The following KCND2 variants were observed in gnomAD, a reference collection of about 807,000 sequenced individuals.
KCND2 encodes potassium voltage-gated channel subfamily D member 2.
Under a neutral mutation model 54.4 loss-of-function variants are expected in KCND2, and 16 were observed. The ratio of observed to expected loss-of-function variants is 0.29; its 90% CI spans 0.20 to 0.45. The LOEUF (loss-of-function observed/expected upper bound fraction) is 0.45, where lower values mean the gene tolerates loss of function less well. Ranked by LOEUF, KCND2 falls within the 20% of genes least tolerant of loss-of-function variation. The probability of loss-of-function intolerance (pLI) is 1.00; values close to 1 mark genes in which losing one functional copy is unlikely to be tolerated. For synonymous variants in KCND2, 317 were observed against 310.7 expected, an observed-to-expected ratio of 1.02 and a Z score of -0.21; for missense variants, 486 against 824.2, an observed-to-expected ratio of 0.59 and a Z score of 5.02.
intron 1 of KCND2, among the ~76,000 whole-genome samples, chr7:120,439,359 C>A (rs1234848860): frequency 1.3e-5 from 2 of 151,910 alleles, no homozygotes; most frequent in Non-Finnish European, 2.9e-5. Context: ...CACAGAAGCA[C>A]TTTTTCTTTT....
At chr7:120,418,010 A>G (rs754074844) in intron 1 of KCND2, among the ~76,000 whole-genome samples, 1 of 152,232 alleles carries the variant, frequency 6.6e-6, no homozygotes, top group Non-Finnish European at 1.5e-5. Context: ...TAAAAGCCCG[A>G]TTCAAGAAAC....
chr7:120,701,770 G>A (rs1792405651), intron 1 of KCND2, among the ~76,000 whole-genome samples: 2 of 151,914 alleles, frequency 1.3e-5, no homozygotes, highest in South Asian at 4.2e-4. Flanking sequence ...GAAACTGGGG[G>A]GTGGGACCCC....
intron 1 of KCND2, among the ~76,000 whole-genome samples, chr7:120,283,456 A>G (rs557198169): frequency 1.3e-5 from 2 of 152,178 alleles, no homozygotes; most frequent in East Asian, 3.9e-4. Context: ...ACCATGAATA[A>G]ATTTTCATCC....
chr7:120,634,835 G>T (rs1358784192), intron 1 of KCND2, among the ~76,000 whole-genome samples: 1 of 152,150 alleles, frequency 6.6e-6, no homozygotes, highest in African/African-American at 2.4e-5. Context: ...CAGGGTAGGG[G>T]TCTTCCCCTC....
intron 1 of KCND2, among the ~76,000 whole-genome samples, chr7:120,397,281 A>G (rs549484242): frequency 1.3e-5 from 2 of 152,020 alleles, no homozygotes; most frequent in Non-Finnish European, 2.9e-5. Flanking sequence ...AGCAAAATAT[A>G]CCCAAGAATA....
chr7:120,596,514 A>C (rs1792747276), intron 1 of KCND2, among the ~76,000 whole-genome samples: 2 of 152,350 alleles, frequency 1.3e-5, no homozygotes, highest in Admixed American at 1.3e-4. Flanking sequence ...AAGGGGACAT[A>C]GAAAGGTTCT....
At chr7:120,462,194 A>C (rs575704157) in intron 1 of KCND2, among the ~76,000 whole-genome samples, 81 of 150,832 alleles carry the variant, frequency 5.4e-4, no homozygotes, top group African/African-American at 1.9e-3. Flanking sequence ...ATCCTTCCCC[A>C]AAAATTGGAT....
intron 1 of KCND2, among the ~76,000 whole-genome samples, chr7:120,444,042 T>C (rs1177817951): frequency 6.6e-6 from 1 of 152,040 alleles, no homozygotes; most frequent in Non-Finnish European, 1.5e-5. Context: ...CTCCCTCACA[T>C]CTTCATACCC....
At chr7:120,547,415 C>T (rs1792054656) in intron 1 of KCND2, among the ~76,000 whole-genome samples, 1 of 151,912 alleles carries the variant, frequency 6.6e-6, no homozygotes, top group Non-Finnish European at 1.5e-5. Context: ...GTCCCTGAGC[C>T]TCCATTTACT....
Position 120,413,110 on chromosome 7 carries a change from T to A in KCND2, c.1115+137363T>A, listed in dbSNP as rs369539376. On this transcript the variant is annotated intron_variant, in intron 1 of 5. Coordinates refer to ENST00000331113, the MANE Select transcript of KCND2 (RefSeq NM_012281.3). ...AGCACCACCTTCCCAATACTGTAAT[T>A]ATGAAGAATGTTTATTTAAGAAGTA... Among the ~76,000 whole-genome samples, 6 of 152,182 alleles carry A rather than the reference T, an allele frequency of 3.9e-5. No homozygotes were observed. In the East Asian group the frequency reaches 1.2e-3, roughly 29 times the overall value.
chr7:120,291,181 A>G (rs897586469), intron 1 of KCND2, among the ~76,000 whole-genome samples: 2 of 152,010 alleles, frequency 1.3e-5, no homozygotes, highest in African/African-American at 4.8e-5. Context: ...TGTAAATGAA[A>G]TAAAAATGAA....
chr7:120,607,856 A>G (rs1792901873), intron 1 of KCND2, among the ~76,000 whole-genome samples: 2 of 152,116 alleles, frequency 1.3e-5, no homozygotes, highest in African/African-American at 4.8e-5. Flanking sequence ...AACAGAAAGA[A>G]AAACAACATG....
chr7:120,737,058 ACACACACACACACAC>A (rs1562924261), intron 2 of KCND2, among the ~76,000 whole-genome samples: 3 of 144,948 alleles, frequency 2.1e-5, no homozygotes, highest in African/African-American at 7.7e-5. Context: ...ACACACACAC[ACACACACACACACAC>A]ACAAACAAAA....
chr7:120,626,033 A>G (rs1197659495), intron 1 of KCND2, among the ~76,000 whole-genome samples: 1 of 152,120 alleles, frequency 6.6e-6, no homozygotes, highest in Non-Finnish European at 1.5e-5. Flanking sequence ...CCCATTTTCA[A>G]TTATTCTAAG....
chr7:120,424,090 T>G (rs1335503259), intron 1 of KCND2, among the ~76,000 whole-genome samples: 1 of 152,198 alleles, frequency 6.6e-6, no homozygotes. Context: ...ATCCTGGCTA[T>G]CACAGTGACA....
At chr7:120,575,332 T>C (rs1584834786) in intron 1 of KCND2, among the ~76,000 whole-genome samples, 1 of 152,152 alleles carries the variant, frequency 6.6e-6, no homozygotes. Context: ...GCCCAAAAAC[T>C]GAATAACTTG....
chr7:120,582,856 A>T (rs1792535405), intron 1 of KCND2, among the ~76,000 whole-genome samples: 1 of 152,038 alleles, frequency 6.6e-6, no homozygotes, highest in African/African-American at 2.4e-5. Flanking sequence ...TTTAGCTACT[A>T]CACACCTATA....
intron 1 of KCND2, among the ~76,000 whole-genome samples, chr7:120,564,451 T>G (rs1228936222): frequency 2.0e-5 from 3 of 152,192 alleles, no homozygotes; most frequent in African/African-American, 7.2e-5. Context: ...TAGAGCTGTT[T>G]GAATAATAAA....
At chr7:120,590,608 T>G (rs561469375) in intron 1 of KCND2, among the ~76,000 whole-genome samples, 43 of 152,308 alleles carry the variant, frequency 2.8e-4, no homozygotes, top group African/African-American at 1.0e-3. Flanking sequence ...TCTGTATTTT[T>G]GGAGAGAGAA....
Sources: gnomAD v4.1 joint callset for allele counts (sites outside exome capture counted in the v4.1 genomes callset) on GRCh38, gnomAD v4.1.1 for gene constraint, MANE v1.5 for transcripts, NCBI Gene and HGNC (gene_info 2026-07-23, HGNC 2026-07-21) for gene names.